PLCXD3: variants seen among roughly 807,000 people sequenced by gnomAD.
The protein encoded by PLCXD3 is phosphatidylinositol specific phospholipase C X domain containing 3.
Under a neutral mutation model 25.5 loss-of-function variants are expected in PLCXD3, and 19 were observed. The observed-to-expected ratio is 0.75, with a 90% confidence interval of 0.52 to 1.09. The LOEUF is 1.09. Ranked by LOEUF, PLCXD3 falls within the 50% of genes least tolerant of loss-of-function variation. The pLI is 0.00. For missense variants in PLCXD3, 411 were observed against 388.1 expected, an observed-to-expected ratio of 1.06 and a Z score of -0.50; for synonymous variants, 174 against 137.6, an observed-to-expected ratio of 1.26 and a Z score of -1.85.
intron 1 of PLCXD3, among the ~76,000 whole-genome samples, chr5:41,490,090 T>C (rs1023290377): frequency 2.6e-5 from 4 of 152,178 alleles, no homozygotes; most frequent in African/African-American, 4.8e-5. Context: ...ATAGCTCTTA[T>C]TATCTTGAGA....
At chr5:41,431,021 G>A (rs913327871) in intron 1 of PLCXD3, among the ~76,000 whole-genome samples, 2 of 152,122 alleles carry the variant, frequency 1.3e-5, no homozygotes, top group Non-Finnish European at 2.9e-5. Context: ...TTGGAAACAT[G>A]TGAGAAAGGA....
chr5:41,437,151 G>A (rs1280290196), intron 1 of PLCXD3, among the ~76,000 whole-genome samples: 1 of 152,162 alleles, frequency 6.6e-6, no homozygotes, highest in African/African-American at 2.4e-5. Flanking sequence ...GTAAAGATAT[G>A]AGTAAATCAG....
intron 2 of PLCXD3, among the ~76,000 whole-genome samples, chr5:41,355,045 T>C (rs974915939): frequency 3.3e-5 from 5 of 152,114 alleles, no homozygotes; most frequent in African/African-American, 1.2e-4. Context: ...TAAAGAAAAA[T>C]CTTCCATCTG....
chr5:41,497,670 A>G (rs951773619), intron 1 of PLCXD3, among the ~76,000 whole-genome samples: 1 of 151,882 alleles, frequency 6.6e-6, no homozygotes, highest in African/African-American at 2.4e-5. Flanking sequence ...TACAGTTTAG[A>G]CAAAATGAAC....
At chr5:41,326,075 A>T (rs1262031726) in intron 2 of PLCXD3, among the ~76,000 whole-genome samples, 1 of 152,194 alleles carries the variant, frequency 6.6e-6, no homozygotes, top group Non-Finnish European at 1.5e-5. Flanking sequence ...GAAGGTTAGG[A>T]TTTCAACATA....
At chr5:41,494,741 A>T (rs318044) in intron 1 of PLCXD3, among the ~76,000 whole-genome samples, 27,358 of 152,172 alleles carry the variant, frequency 0.18, 2,664 homozygotes, top group Middle Eastern at 0.27. Flanking sequence ...CTTGGCAGTC[A>T]TTAGCATACT....
At chr5:41,343,750 TG>T (rs1744224498) in intron 2 of PLCXD3, among the ~76,000 whole-genome samples, 1 of 152,170 alleles carries the variant, frequency 6.6e-6, no homozygotes, top group Non-Finnish European at 1.5e-5. Flanking sequence ...ACATTTTTTC[TG>T]ATCTTAATGA....
chr5:41,316,347 C>T (rs1449730858), intron 2 of PLCXD3, among the ~76,000 whole-genome samples: 1 of 152,298 alleles, frequency 6.6e-6, no homozygotes, highest in South Asian at 2.1e-4. Context: ...CCCCAGATAA[C>T]CAGCAGAGAT....
chr5:41,418,539 T>C (rs1746744950), intron 1 of PLCXD3, among the ~76,000 whole-genome samples: 2 of 152,184 alleles, frequency 1.3e-5, no homozygotes, highest in South Asian at 4.1e-4. Context: ...TTTGGTACAC[T>C]TTATTTAATA....
In PLCXD3 at chr5:41,510,536, CGGCGTGCAGCGCGCT is replaced by C; in HGVS notation, c.-25_-11del. 6.2e-7 allele frequency: 1 copy of C among 1,609,966 alleles called. No individual in the cohort carries two copies. Among genetic ancestry groups the C allele is most frequent in the Non-Finnish European group, 8.5e-7 (1 of 1,177,126 alleles). Reference sequence around the variant, plus strand: ...CCTGAGACGAGGCCATCGTGCCAGTCGGCGTGCAGCGCGCTGGTCCCAGCACTCCTCGGGCAGGCT... The same window carrying C: ...CCTGAGACGAGGCCATCGTGCCAGTCGGTCCCAGCACTCCTCGGGCAGGCT... On this transcript the variant is annotated 5_prime_UTR_variant, in exon 1 of 3. Transcript: ENST00000377801.
At chr5:41,476,245 C>A (rs7714031) in intron 1 of PLCXD3, among the ~76,000 whole-genome samples, 3 of 152,132 alleles carry the variant, frequency 2.0e-5, no homozygotes, top group Non-Finnish European at 2.9e-5. Flanking sequence ...GTTTACATAG[C>A]AGGCCTGATT....
chr5:41,466,846 T>C (rs2150518750), intron 1 of PLCXD3, among the ~76,000 whole-genome samples: 1 of 152,276 alleles, frequency 6.6e-6, no homozygotes, highest in South Asian at 2.1e-4. Flanking sequence ...CTTAGCATTA[T>C]ATCCTCAAGA....
chr5:41,410,141 C>CTT, intron 1 of PLCXD3, among the ~76,000 whole-genome samples: 1 of 121,412 alleles, frequency 8.2e-6, no homozygotes, highest in Admixed American at 8.4e-5. Flanking sequence ...TTTTATTTAT[C>CTT]TTTTTTTTTT....
intron 2 of PLCXD3, among the ~76,000 whole-genome samples, chr5:41,365,140 T>C (rs1744898658): frequency 6.6e-6 from 1 of 152,218 alleles, no homozygotes; most frequent in South Asian, 2.1e-4. Context: ...CCTAGTCTAA[T>C]ATCTTATTGT....
At chr5:41,481,884 T>G (rs1183478435) in intron 1 of PLCXD3, among the ~76,000 whole-genome samples, 2 of 152,162 alleles carry the variant, frequency 1.3e-5, no homozygotes, top group African/African-American at 2.4e-5. Flanking sequence ...TTCATCTGAG[T>G]ATTTGCCCCT....
intron 2 of PLCXD3, among the ~76,000 whole-genome samples, chr5:41,380,414 C>T (rs938742407): frequency 2.0e-5 from 3 of 152,144 alleles, no homozygotes; most frequent in African/African-American, 7.2e-5. Context: ...ATTAACTGCT[C>T]GCTCTCTCCA....
rs552481857 is a variant in PLCXD3 at position 41,480,749 on chromosome 5, C to T, written c.103+29675G>A. ...CAGCCTGGCCAACACGGTGAAACCC[C>T]GTCTCTACTAAAAATACAAAAATTA... On this transcript the variant is annotated intron_variant, in intron 1 of 2. Transcript: ENST00000377801. 6.6e-5 allele frequency among the ~76,000 whole-genome samples: 10 copies of T among 151,886 alleles called. No individual in the cohort carries two copies. In the East Asian group the frequency reaches 1.9e-3, roughly 30 times the overall value.
At chr5:41,374,536 C>T (rs1308026186) in intron 2 of PLCXD3, among the ~76,000 whole-genome samples, 1 of 152,122 alleles carries the variant, frequency 6.6e-6, no homozygotes, top group African/African-American at 2.4e-5. Context: ...ACGTACAATA[C>T]ATACAAACAG....
intron 1 of PLCXD3, among the ~76,000 whole-genome samples, chr5:41,459,066 A>G (rs952579540): frequency 2.0e-5 from 3 of 151,862 alleles, no homozygotes; most frequent in African/African-American, 7.2e-5. Context: ...TAAGAAAAAT[A>G]TTTTCCTTCA....
Sources: gnomAD v4.1 joint callset for allele counts (sites outside exome capture counted in the v4.1 genomes callset) on GRCh38, gnomAD v4.1.1 for gene constraint, MANE v1.5 for transcripts, NCBI Gene and HGNC (gene_info 2026-07-23, HGNC 2026-07-21) for gene names.